Variants in ZNF236 observed in about 807,000 individuals in gnomAD.
ZNF236 encodes regulated by glucose.
ZNF236 carries 50 observed loss-of-function variants against 191.2 expected under a neutral mutation model. That is an observed-to-expected ratio of 0.26 (90% CI 0.21 to 0.33). ZNF236 has a LOEUF of 0.33. ZNF236 is among the 10% of genes least tolerant of loss of function. The pLI, the probability that ZNF236 is intolerant of heterozygous loss-of-function variation, is 1.00. For missense variants in ZNF236, 1,754 were observed against 2,374.5 expected, an observed-to-expected ratio of 0.74 and a Z score of 5.43; for synonymous variants, 907 against 928.8, an observed-to-expected ratio of 0.98 and a Z score of 0.43.
At chr18:76,865,311 TGG>T (rs2122579706) in intron 3 of ZNF236, among the ~76,000 whole-genome samples, 1 of 152,228 alleles carries the variant, frequency 6.6e-6, no homozygotes, top group Non-Finnish European at 1.5e-5. Context: ...CACTCCAGCC[TGG>T]GCCACAAGAG....
rs541426345 is a variant in ZNF236 at position 76,927,874 on chromosome 18, G to A, written c.4415-53G>A. 6.1e-5 allele frequency: 80 copies of A among 1,313,624 alleles called. 1 individual carries two copies. In the African/African-American group the frequency reaches 8.1e-4, roughly 13 times the overall value. The allele number at this position is 1,313,624 out of a possible 1,614,324, so 81.4% of individuals were successfully genotyped here. ...AAAATATTTTTAATATAAAAACAGGGGAAATTGGTTATTTTGAATCTCAAC... is the reference window on the plus strand; with the variant it reads ...AAAATATTTTTAATATAAAAACAGGAGAAATTGGTTATTTTGAATCTCAAC... On this transcript the variant is annotated intron_variant, in intron 24 of 30. Coordinates refer to ENST00000320610, the MANE Select transcript of ZNF236 (RefSeq NM_001306089.2). The surrounding 1 kb of genome is among the most constrained non-coding windows in gnomAD (Gnocchi z 5.4).
Position 76,956,193 on chromosome 18 carries a change from T to C in ZNF236, c.5112+11T>C, listed in dbSNP as rs550839424. 5.5e-5 allele frequency: 85 copies of C among 1,543,840 alleles called. No homozygotes were observed. Among genetic ancestry groups the C allele is most frequent in the African/African-American group, 3.8e-4 (28 of 73,170 alleles). ...GCCACGCACCTCAAGGTAGGCCCAC[T>C]GTGCCAGGGCACAGCTGTGTGCCCC... is the stretch of plus-strand genomic sequence containing the variant. On this transcript the variant is annotated intron_variant, in intron 28 of 30. Transcript: ENST00000320610.
At chr18:76,905,541 T>C (rs1977714553) in intron 13 of ZNF236, 126 bp downstream of exon 13, 1 of 348,320 alleles carries the variant, frequency 2.9e-6, no homozygotes, top group Admixed American at 6.7e-5. Context: ...CTATATGGGC[T>C]CAAGAAAAAA....
chr18:76,903,638 C>T (rs551038337), intron 11 of ZNF236, among the ~76,000 whole-genome samples: 20 of 152,140 alleles, frequency 1.3e-4, no homozygotes, highest in South Asian at 4.2e-4. Flanking sequence ...GGACTGACTG[C>T]GTGTGTCACC....
rs554698437 is a variant in ZNF236, at chr18:76,971,965, G to T, written c.*3626G>T. ...AAAAAAGTTAATCCAAGGATTGATC[G>T]TTGCGAATGTATCCCTTTTCCAAGA... On this transcript the variant is annotated 3_prime_UTR_variant, in exon 31 of 31. Transcript: ENST00000320610. Among the ~76,000 whole-genome samples, 1 of 152,132 alleles carries T rather than the reference G, an allele frequency of 6.6e-6. No homozygotes were observed. The highest frequency in any genetic ancestry group is 2.4e-5 in the African/African-American group (1 of 41,434).
At chr18:76,896,631 C>G (rs1300039711) in intron 10 of ZNF236, among the ~76,000 whole-genome samples, 1 of 148,972 alleles carries the variant, frequency 6.7e-6, no homozygotes, top group Non-Finnish European at 1.5e-5. Flanking sequence ...GTGTCATGCA[C>G]AGTGCCAAAC....
intron 27 of ZNF236, among the ~76,000 whole-genome samples, chr18:76,950,676 C>T (rs993900350): frequency 5.9e-5 from 9 of 152,178 alleles, no homozygotes; most frequent in Non-Finnish European, 1.2e-4. Flanking sequence ...TCAACTTCTT[C>T]CAAACTCCTG....
rs541715015 is a variant in ZNF236, at chr18:76,921,827, C to T, written c.3558-1244C>T. The stretch of plus-strand genomic sequence containing the variant: ...CGTGGTCTCGGCTCAGTGCAAACTC[C>T]GAGAACGGGACGTTCTTATAGCTGT... On this transcript the variant is annotated intron_variant, in intron 20 of 30. Coordinates refer to ENST00000320610, the MANE Select transcript of ZNF236 (RefSeq NM_001306089.2). 3.5e-5 allele frequency among the ~76,000 whole-genome samples: 5 copies of T among 143,960 alleles called. No individual in the cohort carries two copies. In the East Asian group the frequency reaches 6.2e-4, roughly 18 times the overall value. The allele number at this position is 143,960 out of a possible 152,430, so 94.4% of individuals were successfully genotyped here.
chr18:76,904,625 T>G, intron 12 of ZNF236, 104 bp downstream of exon 12: 3 of 1,027,600 alleles, frequency 2.9e-6, no homozygotes, highest in Non-Finnish European at 3.9e-6. Context: ...CTTTTGGTAT[T>G]AAAGATGTCA....
At chr18:76,865,054 T>C (rs1328670272) in intron 3 of ZNF236, among the ~76,000 whole-genome samples, 1 of 152,188 alleles carries the variant, frequency 6.6e-6, no homozygotes, top group Non-Finnish European at 1.5e-5. Context: ...AAGACATTGC[T>C]GGCTGGGCAC....
At chr18:76,841,969 G>A (rs1371025591) in intron 1 of ZNF236, among the ~76,000 whole-genome samples, 1 of 152,148 alleles carries the variant, frequency 6.6e-6, no homozygotes, top group African/African-American at 2.4e-5. Context: ...AAAGTGCTGG[G>A]ATTGCAGGCA....
At position 76,969,843 on chromosome 18, in the gene ZNF236, C is replaced by T. The variant is rs959690125; in HGVS notation, c.*1504C>T. ...GGCATATGTATATAAGTAATATTGA[C>T]GGTGATATGAAAACTTTTGTTATGT... is the stretch of plus-strand genomic sequence containing the variant. On this transcript the variant is annotated 3_prime_UTR_variant, in exon 31 of 31. Coordinates refer to ENST00000320610, the MANE Select transcript of ZNF236 (RefSeq NM_001306089.2). The T allele has an allele frequency of 7.2e-5, 11 of 152,462 alleles. No individual in the cohort carries two copies. The highest frequency in any genetic ancestry group is 1.3e-4 in the Non-Finnish European group (9 of 68,014). 9.4% of individuals were successfully genotyped at this position (152,462 alleles called of 1,614,324 possible). A position where few individuals can be genotyped will look rare whatever the true frequency, so the allele number is the denominator to read the frequency against.
chr18:76,878,621 A>G (rs2849840), intron 7 of ZNF236, among the ~76,000 whole-genome samples: 56,266 of 150,828 alleles, frequency 0.37, 10,496 homozygotes, highest in East Asian at 0.52. Flanking sequence ...ACAGGTGCGC[A>G]CACACACACA....
chr18:76,895,431 C>G, intron 10 of ZNF236, 146 bp downstream of exon 10: 1 of 1,150,324 alleles, frequency 8.7e-7, no homozygotes, highest in Non-Finnish European at 1.2e-6. Flanking sequence ...CACAAAGTAT[C>G]ACACACAGTA....
intron 1 of ZNF236, among the ~76,000 whole-genome samples, chr18:76,848,650 T>A (rs1052956960): frequency 7.9e-5 from 12 of 152,172 alleles, no homozygotes; most frequent in African/African-American, 2.9e-4. Context: ...CTAAGCCATG[T>A]CTATATATGA....
chr18:76,936,698 C>G (rs1968010708), intron 25 of ZNF236, among the ~76,000 whole-genome samples: 1 of 152,176 alleles, frequency 6.6e-6, no homozygotes, highest in East Asian at 1.9e-4. Flanking sequence ...CTCAGTGGAT[C>G]ACACTTGCTT....
chr18:76,827,459 A>T (rs1975051094), intron 1 of ZNF236, among the ~76,000 whole-genome samples: 1 of 152,236 alleles, frequency 6.6e-6, no homozygotes, highest in African/African-American at 2.4e-5. Flanking sequence ...TGCTGAGATT[A>T]CAGGTATGAG....
chr18:76,965,734 G>A (rs527679984), intron 30 of ZNF236, among the ~76,000 whole-genome samples: 1 of 152,252 alleles, frequency 6.6e-6, no homozygotes, highest in Non-Finnish European at 1.5e-5. Context: ...CCTGTGATGT[G>A]AACCATTCAT....
In ZNF236 at chr18:76,920,029, G is replaced by A. The variant is rs780107151; in HGVS notation, c.3528G>A (p.Lys1176=). 2 of 1,612,684 alleles carry A rather than the reference G, an allele frequency of 1.2e-6. No homozygotes were observed. The highest frequency in any genetic ancestry group is 3.3e-5 in the Admixed American group (2 of 60,018). Residue 1176 remains lysine, a synonymous_variant, in exon 20 of 31, where the codon AAG becomes AAA. Transcript: ENST00000320610. ...KHANCCTYCP[K]SFKKPSDLVR... Reference sequence around the variant, plus strand: ...CCAACTGCTGCACATACTGCCCCAAGAGCTTCAAGAAACCTAGCGACCTGG... The same window carrying A: ...CCAACTGCTGCACATACTGCCCCAAAAGCTTCAAGAAACCTAGCGACCTGG...
Sources: gnomAD v4.1 joint callset for allele counts (sites outside exome capture counted in the v4.1 genomes callset) on GRCh38, gnomAD v4.1.1 for gene constraint, Gnocchi (gnomAD v3.1) non-coding constraint, MANE v1.5 for transcripts, NCBI Gene and HGNC (gene_info 2026-07-23, HGNC 2026-07-21) for gene names.